LRRTM3: variants seen among roughly 807,000 people sequenced by gnomAD.
The protein encoded by LRRTM3 is leucine-rich repeat transmembrane neuronal protein 3.
Under a neutral mutation model 44.7 loss-of-function variants are expected in LRRTM3, and 24 were observed. The ratio of observed to expected loss-of-function variants is 0.54; its 90% confidence interval spans 0.39 to 0.76. The LOEUF is 0.76. Among genes scored for constraint, LRRTM3 ranks in the 30% least tolerant of loss-of-function variants. LRRTM3 has a pLI of 0.00. For missense variants in LRRTM3, 587 were observed against 702.2 expected (o/e 0.84, Z 1.85); for synonymous variants, 277 against 278.7 (o/e 0.99, Z 0.06).
chr10:66,999,430 A>G (rs953737022), intron 2 of LRRTM3, among the ~76,000 whole-genome samples: 1 of 152,160 alleles, frequency 6.6e-6, no homozygotes, highest in Non-Finnish European at 1.5e-5. Context: ...AATTAAGATC[A>G]TCAATTTGTA....
chr10:66,941,183 G>A (rs977551871), intron 2 of LRRTM3, among the ~76,000 whole-genome samples: 1 of 152,190 alleles, frequency 6.6e-6, no homozygotes, highest in Non-Finnish European at 1.5e-5. Context: ...AAAATGCACA[G>A]TTACAACAGA....
At chr10:66,930,307 A>G (rs1054736788) in intron 2 of LRRTM3, among the ~76,000 whole-genome samples, 6 of 152,240 alleles carry the variant, frequency 3.9e-5, no homozygotes, top group Non-Finnish European at 7.3e-5. Flanking sequence ...ACATGTATTC[A>G]TGACAAAAAG....
At chr10:66,989,050 T>A (rs903105018) in intron 2 of LRRTM3, among the ~76,000 whole-genome samples, 44 of 152,150 alleles carry the variant, frequency 2.9e-4, no homozygotes, top group African/African-American at 1.0e-3. Context: ...TCGTTACCTC[T>A]CATAGCAAGA....
At chr10:67,043,434 T>TA (rs1285636503) in intron 2 of LRRTM3, among the ~76,000 whole-genome samples, 3 of 152,236 alleles carry the variant, frequency 2.0e-5, no homozygotes, top group South Asian at 4.1e-4. Flanking sequence ...AGAAATGATC[T>TA]AAAAAAATCT....
chr10:67,075,766 T>G (rs1856716981), intron 2 of LRRTM3, among the ~76,000 whole-genome samples: 1 of 152,192 alleles, frequency 6.6e-6, no homozygotes, highest in Non-Finnish European at 1.5e-5. Flanking sequence ...CCTTGGCAAA[T>G]GAGGCTAAAA....
chr10:67,071,871 T>C (rs1371020762), intron 2 of LRRTM3, among the ~76,000 whole-genome samples: 4 of 152,244 alleles, frequency 2.6e-5, no homozygotes, highest in African/African-American at 9.6e-5. Flanking sequence ...CAATTTATCA[T>C]ATGTCCCTAG....
chr10:66,931,126 T>C (rs1431437602), intron 2 of LRRTM3, among the ~76,000 whole-genome samples: 2 of 150,644 alleles, frequency 1.3e-5, no homozygotes, highest in Non-Finnish European at 2.9e-5. Flanking sequence ...AGAAATGTGA[T>C]TGATATTTAT....
At chr10:66,998,884 C>T (rs1851521236) in intron 2 of LRRTM3, among the ~76,000 whole-genome samples, 1 of 151,940 alleles carries the variant, frequency 6.6e-6, no homozygotes, top group African/African-American at 2.4e-5. Context: ...AACCATGGAC[C>T]CTACAATTAG....
chr10:67,071,408 G>C (rs1856451919), intron 2 of LRRTM3, among the ~76,000 whole-genome samples: 1 of 148,980 alleles, frequency 6.7e-6, no homozygotes, highest in Non-Finnish European at 1.5e-5. Context: ...CAGAATTGTA[G>C]GTTTGCAGTT....
At chr10:67,058,354 A>G (rs1855563493) in intron 2 of LRRTM3, among the ~76,000 whole-genome samples, 1 of 152,208 alleles carries the variant, frequency 6.6e-6, no homozygotes, top group Non-Finnish European at 1.5e-5. Context: ...TATGTATTAC[A>G]TTGGTTTCAA....
At chr10:66,979,231 G>C in intron 2 of LRRTM3, among the ~76,000 whole-genome samples, 1 of 151,956 alleles carries the variant, frequency 6.6e-6, no homozygotes, top group East Asian at 1.9e-4. Flanking sequence ...GCCTCCCAAA[G>C]TGCTGGGATT....
intron 2 of LRRTM3, among the ~76,000 whole-genome samples, chr10:67,068,038 A>T (rs888219337): frequency 6.6e-6 from 1 of 152,246 alleles, no homozygotes; most frequent in Non-Finnish European, 1.5e-5. Context: ...AGAACATCCT[A>T]GTAAGAGAAA....
At chr10:67,050,433 A>C (rs1319646440) in intron 2 of LRRTM3, among the ~76,000 whole-genome samples, 1 of 152,188 alleles carries the variant, frequency 6.6e-6, no homozygotes, top group Non-Finnish European at 1.5e-5. Context: ...AAATGACTTA[A>C]GAATATTAGA....
At chr10:67,034,904 T>A (rs1589638032) in intron 2 of LRRTM3, among the ~76,000 whole-genome samples, 1 of 152,204 alleles carries the variant, frequency 6.6e-6, no homozygotes, top group African/African-American at 2.4e-5. Flanking sequence ...TGTTGACATA[T>A]CTCTTGGCAA....
intron 2 of LRRTM3, among the ~76,000 whole-genome samples, chr10:66,932,469 T>G (rs1276504417): frequency 2.0e-5 from 3 of 152,184 alleles, no homozygotes; most frequent in African/African-American, 7.2e-5. Flanking sequence ...TTGCTTCATC[T>G]ATTCCTTTTT....
At chr10:67,006,338 A>T (rs1851987318) in intron 2 of LRRTM3, among the ~76,000 whole-genome samples, 1 of 152,182 alleles carries the variant, frequency 6.6e-6, no homozygotes, top group Non-Finnish European at 1.5e-5. Context: ...CTGTCTTACC[A>T]AATTGCTAAT....
intron 2 of LRRTM3, among the ~76,000 whole-genome samples, chr10:66,933,458 T>TATC (rs1371479497): frequency 6.6e-6 from 1 of 152,226 alleles, no homozygotes; most frequent in Non-Finnish European, 1.5e-5. Flanking sequence ...CCCTTTCTAG[T>TATC]ATCATTGTGT....
At chr10:66,949,293 A>T (rs1848420721) in intron 2 of LRRTM3, among the ~76,000 whole-genome samples, 1 of 152,190 alleles carries the variant, frequency 6.6e-6, no homozygotes, top group Admixed American at 6.5e-5. Flanking sequence ...CTGTGGGCTC[A>T]TGCCTGTAAT....
At chr10:66,953,917 T>C (rs949995308) in intron 2 of LRRTM3, among the ~76,000 whole-genome samples, 2 of 152,284 alleles carry the variant, frequency 1.3e-5, no homozygotes, top group Middle Eastern at 3.4e-3. Flanking sequence ...TCCTCTGCTA[T>C]AAAATCAGGA....
Sources: allele counts gnomAD v4.1 joint callset (sites outside exome capture counted in the v4.1 genomes callset), GRCh38; gene constraint gnomAD v4.1.1; transcripts MANE v1.5; gene names NCBI Gene and HGNC (gene_info 2026-07-23, HGNC 2026-07-21).